VEGFA: variants seen among roughly 807,000 people sequenced by gnomAD.
VEGFA encodes the protein vascular endothelial growth factor A, long form.
VEGFA carries 20 observed loss-of-function variants against 49.7 expected under a neutral mutation model. The observed-to-expected ratio is 0.40, with a 90% CI of 0.28 to 0.58. The LOEUF (loss-of-function observed/expected upper bound fraction) is 0.58. Ranked by LOEUF, VEGFA falls within the 20% of genes least tolerant of loss-of-function variation. VEGFA has a pLI of 0.40. For missense variants in VEGFA, 505 were observed against 553.5 expected, an observed-to-expected ratio of 0.91 and a Z score of 0.88; for synonymous variants, 219 against 223.4, an observed-to-expected ratio of 0.98 and a Z score of 0.18.
At position 43,774,570 on chromosome 6, in the gene VEGFA, G is replaced by A. The variant is rs1045421046; in HGVS notation, c.658+178G>A. 1.5e-5 allele frequency: 11 copies of A among 715,018 alleles called. No individual in the cohort carries two copies. The Middle Eastern group carries it at 9.7e-4, about 63-fold the overall frequency. The allele number at this position is 715,018 out of a possible 1,614,324, so 44.3% of individuals were successfully genotyped here. A position where few individuals can be genotyped will look rare whatever the true frequency, so the allele number is the denominator to read the frequency against. ...ACCCTCAGTTTCGTGAGGACTCTCC[G>A]CTGTTCAGGTCTCTGCTAGAAGTAG... On this transcript the variant is annotated intron_variant, in intron 2 of 7. Coordinates refer to ENST00000672860, the MANE Select transcript of VEGFA (RefSeq NM_003376.6).
At chr6:43,780,276 G>T in intron 5 of VEGFA, 1 of 259,192 alleles carries the variant, frequency 3.9e-6, no homozygotes. Context: ...TCCCCATCCA[G>T]GCAGGTCTCT....
At chr6:43,781,009 TG>T in intron 6 of VEGFA, 2 of 1,285,292 alleles carry the variant, frequency 1.6e-6, no homozygotes, top group Non-Finnish European at 2.2e-6. Flanking sequence ...GGTCCAGGGT[TG>T]GGGTGAATGG....
At chr6:43,774,849 T>G in intron 2 of VEGFA, 1 of 197,134 alleles carries the variant, frequency 5.1e-6, no homozygotes, top group Non-Finnish European at 1.1e-5. Flanking sequence ...CTCTCCTCCC[T>G]TCCCTGGTTT....
intron 6 of VEGFA, chr6:43,781,224 T>A (rs1026685926): frequency 3.7e-5 from 14 of 382,824 alleles, no homozygotes; most frequent in African/African-American, 2.7e-4. Flanking sequence ...AGAAGGGCTG[T>A]GAATGACTGG....
At position 43,770,537 on chromosome 6, in the gene VEGFA, G is replaced by C; in HGVS notation, c.-170G>C. ...AACCAGCAGAAAGAGGAAAGAGGTA[G>C]CAAGAGCTCCAGAGAGAAGTCGAGG... On this transcript the variant is annotated 5_prime_UTR_variant, in exon 1 of 8. Transcript: ENST00000672860. The C allele has an allele frequency of 7.7e-7, 1 of 1,304,352 alleles. No individual in the cohort carries two copies. The allele number at this position is 1,304,352 out of a possible 1,614,324, so 80.8% of individuals were successfully genotyped here. A position where few individuals can be genotyped will look rare whatever the true frequency, so the allele number is the denominator to read the frequency against.
intron 3 of VEGFA, chr6:43,778,225 GCAGC>G (rs1335670493): frequency 1.7e-6 from 1 of 597,072 alleles, no homozygotes; most frequent in Non-Finnish European, 3.0e-6. Flanking sequence ...GCCAACCCTT[GCAGC>G]CATGTCTTGG....
intron 6 of VEGFA, chr6:43,781,252 A>C: frequency 3.0e-6 from 1 of 337,088 alleles, no homozygotes; most frequent in Non-Finnish European, 5.7e-6. Flanking sequence ...TTGCTGAATG[A>C]CTCCTTGGCT....
rs2128005507 is a variant in VEGFA, at chr6:43,773,366, G to A, written c.607-975G>A. 6.6e-6 allele frequency: 1 copy of A among 152,416 alleles called. No individual in the cohort carries two copies. The highest frequency in any genetic ancestry group is 1.5e-5 in the Non-Finnish European group (1 of 68,120). 9.4% of individuals were successfully genotyped at this position (152,416 alleles called of 1,614,324 possible). A position where few individuals can be genotyped will look rare whatever the true frequency, so the allele number is the denominator to read the frequency against. ...GGTGAGAGCTGGAGACCCCCAGGAA[G>A]GGCTGGCAGAAGCCTTTCCTTTTGG... On this transcript the variant is annotated intron_variant, in intron 1 of 7. Coordinates refer to ENST00000672860, the MANE Select transcript of VEGFA (RefSeq NM_003376.6). The surrounding 1 kb of genome is among the most constrained non-coding windows in gnomAD (Gnocchi z 5.6).
chr6:43,770,814 C>A lies in VEGFA; in HGVS notation c.108C>A (p.Pro36=). ...CGAGCCGCGGGCAGGGGCCGGAGCC[C>A]GCGCCCGGAGGCGGGGTGGAGGGGG... Residue 36 remains proline (P), a synonymous_variant, in exon 1 of 8, where the codon CCC becomes CCA. Coordinates refer to ENST00000672860, the MANE Select transcript of VEGFA (RefSeq NM_003376.6). The A allele has an allele frequency of 6.6e-7, 1 of 1,512,644 alleles. No individual in the cohort carries two copies. Among genetic ancestry groups the A allele is most frequent in the Non-Finnish European group, 8.8e-7 (1 of 1,132,566 alleles). 93.7% of individuals were successfully genotyped at this position (1,512,644 alleles called of 1,614,324 possible). A position where few individuals can be genotyped will look rare whatever the true frequency, so the allele number is the denominator to read the frequency against.
At chr6:43,771,528 C>T (rs1258627727) in intron 1 of VEGFA, among the ~76,000 whole-genome samples, 1 of 152,086 alleles carries the variant, frequency 6.6e-6, no homozygotes, top group African/African-American at 2.4e-5. Flanking sequence ...CCCACGCGGG[C>T]CCTGCCCACC....
At chr6:43,781,458 G>A (rs1767713718) in intron 6 of VEGFA, 1 of 254,718 alleles carries the variant, frequency 3.9e-6, no homozygotes, top group Non-Finnish European at 7.7e-6. Flanking sequence ...CCTGCCCTGG[G>A]CCCTCTGGCC....
rs41430645 is a variant in VEGFA at position 43,785,539 on chromosome 6, T to G, written c.*977T>G. On this transcript the variant is annotated 3_prime_UTR_variant, in exon 8 of 8. Transcript: ENST00000672860. ...GTTGGAAGAAGCAGCCCATGACAGCTCCCCTTCCTGGGACTCGCCCTCATC... is the reference window on the plus strand; with the variant it reads ...GTTGGAAGAAGCAGCCCATGACAGCGCCCCTTCCTGGGACTCGCCCTCATC... The G allele has an allele frequency of 8.4e-3, 1,780 of 212,952 alleles. 29 individuals are homozygous for G. Among genetic ancestry groups the G allele is most frequent in the African/African-American group, 0.037 (1,636 of 44,180 alleles). The allele number at this position is 212,952 out of a possible 1,614,324, so 13.2% of individuals were successfully genotyped here.
Position 43,785,089 on chromosome 6 carries a change from C to T in VEGFA, c.*527C>T. 1 of 190,216 alleles carries T rather than the reference C, an allele frequency of 5.3e-6. No individual in the cohort carries two copies. Among genetic ancestry groups the T allele is most frequent in the Non-Finnish European group, 1.1e-5 (1 of 90,582 alleles). 11.8% of individuals were successfully genotyped at this position (190,216 alleles called of 1,614,324 possible). On this transcript the variant is annotated 3_prime_UTR_variant, in exon 8 of 8. Coordinates refer to ENST00000672860, the MANE Select transcript of VEGFA (RefSeq NM_003376.6). ...GGAGGGGAATGTTCCCACTCAGATC[C>T]TGACAGGGAAGAGGAGGAGATGAGA...
rs1582544739 is a variant in VEGFA at position 43,784,735 on chromosome 6, C to A, written c.*173C>A. ...AAATGAAGGAAGAGGAGACTCTGCGCAGAGCACTTTGGGTCCGGAGGGCGA... is the reference window on the plus strand; with the variant it reads ...AAATGAAGGAAGAGGAGACTCTGCGAAGAGCACTTTGGGTCCGGAGGGCGA... On this transcript the variant is annotated 3_prime_UTR_variant, in exon 8 of 8. Coordinates refer to ENST00000672860, the MANE Select transcript of VEGFA (RefSeq NM_003376.6). 1 of 1,295,318 alleles carries A rather than the reference C, an allele frequency of 7.7e-7. No individual in the cohort carries two copies. Among genetic ancestry groups the A allele is most frequent in the Non-Finnish European group, 1.1e-6 (1 of 904,316 alleles). 80.2% of individuals were successfully genotyped at this position (1,295,318 alleles called of 1,614,324 possible). A position where few individuals can be genotyped will look rare whatever the true frequency, so the allele number is the denominator to read the frequency against.
intron 1 of VEGFA, chr6:43,771,898 C>A: frequency 4.1e-6 from 2 of 488,680 alleles, no homozygotes; most frequent in Non-Finnish European, 5.3e-6. Flanking sequence ...TGCGCCGCGC[C>A]AACCCCGCCC....
intron 7 of VEGFA, 66 bp from the exon 8 acceptor site, chr6:43,784,475 G>A (rs370350193): frequency 2.9e-5 from 45 of 1,554,646 alleles, no homozygotes; most frequent in South Asian, 1.7e-4. Context: ...TGGGGAGGCC[G>A]CCTGCCTCAT....
At chr6:43,780,417 G>C (rs1220989646) in intron 5 of VEGFA, 2 of 423,894 alleles carry the variant, frequency 4.7e-6, no homozygotes, top group Admixed American at 3.5e-5. Flanking sequence ...GCCACTGTGA[G>C]TGTGGAGACC....
intron 6 of VEGFA, 74 bp downstream of exon 6, chr6:43,780,877 C>T (rs1767403415): frequency 6.2e-7 from 1 of 1,611,030 alleles, no homozygotes; most frequent in African/African-American, 1.3e-5. Flanking sequence ...CCTGCCATTC[C>T]CTGTAACCCT....
In VEGFA at chr6:43,777,944, C is replaced by G; in HGVS notation, c.855+279C>G. 1.9e-6 allele frequency: 1 copy of G among 529,666 alleles called. No individual in the cohort carries two copies. Among genetic ancestry groups the G allele is most frequent in the Non-Finnish European group, 3.4e-6 (1 of 293,834 alleles). 32.8% of individuals were successfully genotyped at this position (529,666 alleles called of 1,614,324 possible). ...GCCTGTGTCAGGAGCCCCTCTCTCC[C>G]TCTCTTGGAGAGAGTCCTGAGTGCC... On this transcript the variant is annotated intron_variant, in intron 3 of 7. Transcript: ENST00000672860. This position sits in a 1 kb window ranked among gnomAD's most constrained non-coding sequence, Gnocchi z 4.3.
Sources: allele counts gnomAD v4.1 joint callset (sites outside exome capture counted in the v4.1 genomes callset), GRCh38; gene constraint gnomAD v4.1.1; non-coding constraint Gnocchi (gnomAD v3.1); transcripts MANE v1.5; gene names NCBI Gene and HGNC (gene_info 2026-07-23, HGNC 2026-07-21).